CHRM3: variants seen among roughly 807,000 people sequenced by gnomAD.
CHRM3 encodes cholinergic receptor muscarinic 3.
A neutral mutation model predicts 41.8 loss-of-function variants in CHRM3; 11 were observed. The ratio of observed to expected loss-of-function variants is 0.26; its 90% CI spans 0.17 to 0.44. The LOEUF is 0.44. Ranked by LOEUF, CHRM3 falls within the 20% of genes least tolerant of loss-of-function variation. The pLI, the probability that CHRM3 is intolerant of heterozygous loss-of-function variation, is 1.00. For missense variants in CHRM3, 571 were observed against 745.4 expected, an observed-to-expected ratio of 0.77 and a Z score of 2.72; for synonymous variants, 297 against 301.4, an observed-to-expected ratio of 0.99 and a Z score of 0.15.
intron 5 of CHRM3, among the ~76,000 whole-genome samples, chr1:239,728,114 C>T (rs956243191): frequency 1.3e-5 from 2 of 151,906 alleles, no homozygotes; most frequent in African/African-American, 4.8e-5. Flanking sequence ...CCTTTTCACA[C>T]AATGTTGGTA....
At chr1:239,837,405 T>C (rs914919448) in intron 6 of CHRM3, among the ~76,000 whole-genome samples, 1 of 152,188 alleles carries the variant, frequency 6.6e-6, no homozygotes, top group Non-Finnish European at 1.5e-5. Flanking sequence ...CATTACCGAT[T>C]ACCTTTCAGC....
intron 5 of CHRM3, among the ~76,000 whole-genome samples, chr1:239,725,253 G>T (rs1193502693): frequency 1.3e-5 from 2 of 151,900 alleles, no homozygotes; most frequent in Admixed American, 6.6e-5. Context: ...CATTAGAAGG[G>T]TTAAATTGAA....
At chr1:239,572,890 T>A (rs988746534) in intron 3 of CHRM3, among the ~76,000 whole-genome samples, 3 of 152,194 alleles carry the variant, frequency 2.0e-5, no homozygotes, top group Non-Finnish European at 4.4e-5. Flanking sequence ...TTACATGTAG[T>A]CTTCCTTTGT....
intron 5 of CHRM3, among the ~76,000 whole-genome samples, chr1:239,766,584 G>T (rs768635258): frequency 2.0e-5 from 3 of 151,850 alleles, no homozygotes; most frequent in Non-Finnish European, 4.4e-5. Context: ...AGCTTTTGTG[G>T]ATACAAAATA....
intron 5 of CHRM3, among the ~76,000 whole-genome samples, chr1:239,808,190 G>C (rs1333735184): frequency 6.6e-6 from 1 of 152,176 alleles, no homozygotes; most frequent in African/African-American, 2.4e-5. Flanking sequence ...CAGCCCTAGA[G>C]AAAGCTCTCC....
At chr1:239,743,721 A>G in intron 5 of CHRM3, among the ~76,000 whole-genome samples, 1 of 151,906 alleles carries the variant, frequency 6.6e-6, no homozygotes, top group Non-Finnish European at 1.5e-5. Flanking sequence ...AAGCTGGTCA[A>G]AACTAATAAC....
intron 2 of CHRM3, among the ~76,000 whole-genome samples, chr1:239,528,994 T>C (rs752470114): frequency 1.3e-5 from 2 of 152,226 alleles, no homozygotes; most frequent in Non-Finnish European, 2.9e-5. Flanking sequence ...ATTCTTCTCA[T>C]TCAGGCTTAA....
At chr1:239,752,420 T>C (rs1338196151) in intron 5 of CHRM3, among the ~76,000 whole-genome samples, 3 of 152,222 alleles carry the variant, frequency 2.0e-5, no homozygotes, top group Admixed American at 1.3e-4. Context: ...TTGCCTGCTT[T>C]TTGAGTATAT....
intron 1 of CHRM3, among the ~76,000 whole-genome samples, chr1:239,466,823 A>G (rs1665764917): frequency 6.6e-6 from 1 of 152,130 alleles, no homozygotes; most frequent in Non-Finnish European, 1.5e-5. Flanking sequence ...GTACATAAAA[A>G]TCCTATAATA....
chr1:239,472,457 A>G (rs1666190946), intron 1 of CHRM3, among the ~76,000 whole-genome samples: 1 of 152,200 alleles, frequency 6.6e-6, no homozygotes, highest in South Asian at 2.1e-4. Flanking sequence ...ATTGTTAGCA[A>G]AAAGCAATGT....
chr1:239,578,335 CTATT>C (rs1423934227), intron 3 of CHRM3, among the ~76,000 whole-genome samples: 2 of 152,152 alleles, frequency 1.3e-5, no homozygotes, highest in Admixed American at 6.6e-5. Context: ...ATTCACCACA[CTATT>C]TACTGAGTTT....
intron 2 of CHRM3, among the ~76,000 whole-genome samples, chr1:239,499,923 C>A (rs1445667337): frequency 1.3e-5 from 2 of 152,118 alleles, no homozygotes; most frequent in Admixed American, 1.3e-4. Context: ...CTTTTTCAGA[C>A]AAACCAGTGC....
intron 4 of CHRM3, among the ~76,000 whole-genome samples, chr1:239,672,398 C>T (rs774679675): frequency 7.9e-5 from 12 of 152,076 alleles, no homozygotes; most frequent in Non-Finnish European, 1.2e-4. Flanking sequence ...ACAGAGATGT[C>T]GACCCAAGCT....
intron 4 of CHRM3, among the ~76,000 whole-genome samples, chr1:239,647,839 AAT>A (rs1671875567): frequency 6.6e-6 from 1 of 152,206 alleles, no homozygotes; most frequent in Non-Finnish European, 1.5e-5. Flanking sequence ...TCATAATTCA[AAT>A]TAAGCCACTT....
chr1:239,657,640 TC>T (rs1672832311), intron 4 of CHRM3, among the ~76,000 whole-genome samples: 1 of 152,220 alleles, frequency 6.6e-6, no homozygotes, highest in Non-Finnish European at 1.5e-5. Context: ...CTGACATTTT[TC>T]CCTCCATCGG....
chr1:239,410,623 C>T (rs543661197), intron 1 of CHRM3, among the ~76,000 whole-genome samples: 9 of 152,264 alleles, frequency 5.9e-5, no homozygotes, highest in African/African-American at 2.2e-4. Context: ...TCTTTTACCT[C>T]CCGTATGGAT....
At chr1:239,680,008 T>G (rs566758978) in intron 5 of CHRM3, among the ~76,000 whole-genome samples, 140 of 152,178 alleles carry the variant, frequency 9.2e-4, no homozygotes, top group Non-Finnish European at 2.4e-4. Context: ...CTTCAGAATT[T>G]TTTAAAGTTC....
chr1:239,806,968 G>A (rs540182520), intron 5 of CHRM3, among the ~76,000 whole-genome samples: 4 of 152,332 alleles, frequency 2.6e-5, no homozygotes, highest in African/African-American at 9.6e-5. Flanking sequence ...ACCCAAGCCA[G>A]AGAATATTCT....
At chr1:239,760,600 T>A (rs1666678883) in intron 5 of CHRM3, among the ~76,000 whole-genome samples, 1 of 152,190 alleles carries the variant, frequency 6.6e-6, no homozygotes. Flanking sequence ...CTCTTTTTTT[T>A]ACTTTCATAT....
Sources: gnomAD v4.1 joint callset for allele counts (sites outside exome capture counted in the v4.1 genomes callset) on GRCh38, gnomAD v4.1.1 for gene constraint, MANE v1.5 for transcripts, NCBI Gene and HGNC (gene_info 2026-07-23, HGNC 2026-07-21) for gene names.